GLE1: variants seen among roughly 807,000 people sequenced by gnomAD.
GLE1 encodes mRNA export factor GLE1.
GLE1 carries 78 observed loss-of-function variants against 97.3 expected under a neutral mutation model. That is an observed-to-expected ratio of 0.80 (90% CI 0.67 to 0.97). The LOEUF is 0.97. Ranked by LOEUF, GLE1 falls within the 50% of genes least tolerant of loss-of-function variation. The pLI, the probability that GLE1 is intolerant of heterozygous loss-of-function variation, is 0.00. For missense variants in GLE1, 753 were observed against 857.5 expected (o/e 0.88, Z 1.52); for synonymous variants, 302 against 313.4 (o/e 0.96, Z 0.39).
intron 7 of GLE1, among the ~76,000 whole-genome samples, chr9:128,526,458 G>A (rs1230084239): frequency 2.0e-5 from 3 of 151,412 alleles, no homozygotes; most frequent in African/African-American, 7.3e-5. Context: ...CCAGGTTCAA[G>A]CGATTCTCCT....
At chr9:128,523,369 GT>G in intron 5 of GLE1, 29 bp downstream of exon 5, 1 of 1,589,898 alleles carries the variant, frequency 6.3e-7, no homozygotes, top group Non-Finnish European at 8.6e-7. Context: ...TGGTGTGGGT[GT>G]TTTGGTGTCT....
chr9:128,519,273 A>G (rs1847071427), intron 3 of GLE1, among the ~76,000 whole-genome samples: 1 of 152,242 alleles, frequency 6.6e-6, no homozygotes, highest in Non-Finnish European at 1.5e-5. Flanking sequence ...TTAGGAAACA[A>G]GAGAGATAAC....
chr9:128,513,787 C>T (rs566061459), intron 2 of GLE1, among the ~76,000 whole-genome samples: 113 of 151,104 alleles, frequency 7.5e-4, no homozygotes, highest in African/African-American at 2.3e-3. Flanking sequence ...AAGGCCAAGG[C>T]GGGTGGATCA....
intron 2 of GLE1, 37 bp downstream of exon 2, chr9:128,509,134 G>A (rs1232808149): frequency 8.2e-7 from 1 of 1,217,910 alleles, no homozygotes; most frequent in African/African-American, 1.5e-5. Flanking sequence ...AAGACATGGT[G>A]GCTGCAAAGT....
At position 128,520,692 on chromosome 9, in the gene GLE1, C is replaced by T. The variant is rs375042300; in HGVS notation, c.433-1976C>T. ...GGCATCGTCTGCTTCTCACACACAT[C>T]GTGTGTGTGTGTGTGTATCCTTGGG... On this transcript the variant is annotated intron_variant, in intron 3 of 15. Coordinates refer to ENST00000309971, the MANE Select transcript of GLE1 (RefSeq NM_001003722.2). Among the ~76,000 whole-genome samples, 31 of 149,636 alleles carry T rather than the reference C, an allele frequency of 2.1e-4. No homozygotes were observed. The South Asian group carries it at 6.1e-3, about 30-fold the overall frequency.
intron 2 of GLE1, among the ~76,000 whole-genome samples, chr9:128,513,263 A>G (rs1226643935): frequency 1.3e-5 from 2 of 151,954 alleles, no homozygotes; most frequent in Non-Finnish European, 1.5e-5. Flanking sequence ...GACTCAATCT[A>G]GTGTCCCAAA....
rs962137630 is a variant in GLE1, at chr9:128,508,802, C to T, written c.100-74C>T. ...ATTTATTTAGGCCTTCTTAGATGTT[C>T]AGTAAGGCATGTAGTGGATTATACT... On this transcript the variant is annotated intron_variant, in intron 1 of 15. Transcript: ENST00000309971. 1.4e-5 allele frequency: 12 copies of T among 863,966 alleles called. No homozygotes were observed. In the African/African-American group the frequency reaches 2.0e-4, roughly 14 times the overall value. 53.5% of individuals were successfully genotyped at this position (863,966 alleles called of 1,614,324 possible).
At chr9:128,535,050 A>AT (rs1194614980) in intron 11 of GLE1, among the ~76,000 whole-genome samples, 1 of 152,032 alleles carries the variant, frequency 6.6e-6, no homozygotes, top group Non-Finnish European at 1.5e-5. Context: ...GCTGAGTGTA[A>AT]TAATATATTG....
At chr9:128,527,584 C>T in intron 9 of GLE1, 59 bp downstream of exon 9, 1 of 980,716 alleles carries the variant, frequency 1.0e-6, no homozygotes, top group Non-Finnish European at 1.7e-6. Flanking sequence ...TTTCAGACTC[C>T]AAATCTATGT....
At position 128,541,166 on chromosome 9, in the gene GLE1, C is replaced by G. The variant is rs1017545536; in HGVS notation, c.2093C>G (p.Ser698Cys). 2 of 1,539,090 alleles carry G rather than the reference C, an allele frequency of 1.3e-6. No individual in the cohort carries two copies. Among genetic ancestry groups the G allele is most frequent in the South Asian group, 1.1e-5 (1 of 89,500 alleles). ...TTTCTGACTTCCTCCTTCTGGCGCT[C>G]CTGATGTCACTCCATCACCCACCAT... ...KGFLTSSFWR[S>C] The change falls in exon 16 of 16, where the codon TCC (serine) becomes TGC (cysteine). Residue 698 changes from serine (S) to cysteine (C), a missense_variant. Transcript: ENST00000309971.
intron 3 of GLE1, among the ~76,000 whole-genome samples, chr9:128,515,952 CTTT>C (rs58485540): frequency 2.1e-5 from 3 of 139,874 alleles, no homozygotes; most frequent in Non-Finnish European, 3.1e-5. Flanking sequence ...ACCTTAGCCT[CTTT>C]TTTTTTTTTT....
chr9:128,537,686 T>G (rs1031571941), intron 12 of GLE1, among the ~76,000 whole-genome samples: 1 of 152,070 alleles, frequency 6.6e-6, no homozygotes, highest in East Asian at 1.9e-4. Flanking sequence ...TGTGCATGCC[T>G]GTAGTCCCAG....
intron 2 of GLE1, among the ~76,000 whole-genome samples, chr9:128,509,527 T>C (rs1002744230): frequency 3.9e-5 from 6 of 151,900 alleles, no homozygotes; most frequent in South Asian, 2.1e-4. Context: ...GTTTTTTTGT[T>C]ATTTCTCCCA....
intron 6 of GLE1, among the ~76,000 whole-genome samples, 196 bp from the exon 7 acceptor site, chr9:128,524,996 A>T (rs1847261579): frequency 6.6e-6 from 1 of 152,196 alleles, no homozygotes; most frequent in Admixed American, 6.6e-5. Flanking sequence ...AGACCAATTT[A>T]TACTTAGAAA....
chr9:128,508,950 C>T lies in GLE1; in HGVS notation c.174C>T (p.Pro58=). 2 of 1,610,764 alleles carry T rather than the reference C, an allele frequency of 1.2e-6. No homozygotes were observed. Among genetic ancestry groups the T allele is most frequent in the Non-Finnish European group, 1.7e-6 (2 of 1,176,972 alleles). ...YSGWVVEHVL[P]HMQENQPLSE... ...GATGGGTGGTAGAGCACGTCCTACC[C>T]CATATGCAGGAGAACCAACCTCTGT... Residue 58 remains proline, a synonymous_variant, in exon 2 of 16, where the codon CCC becomes CCT. Transcript: ENST00000309971.
At chr9:128,522,405 C>T (rs1023015901) in intron 3 of GLE1, among the ~76,000 whole-genome samples, 2 of 152,086 alleles carry the variant, frequency 1.3e-5, no homozygotes, top group Non-Finnish European at 2.9e-5. Context: ...GCCTGTAATC[C>T]GAGCACTTAG....
chr9:128,518,473 A>C (rs1026331401), intron 3 of GLE1, among the ~76,000 whole-genome samples: 1 of 152,072 alleles, frequency 6.6e-6, no homozygotes, highest in Non-Finnish European at 1.5e-5. Flanking sequence ...AGGCTGGACA[A>C]TCACTCGAAC....
intron 7 of GLE1, among the ~76,000 whole-genome samples, chr9:128,526,310 G>A (rs1379330897): frequency 1.3e-5 from 2 of 151,766 alleles, no homozygotes; most frequent in South Asian, 4.2e-4. Flanking sequence ...GTGAGCCACC[G>A]CACCCAGCCT....
Position 128,541,592 on chromosome 9 carries a change from C to T in GLE1, c.*422C>T, listed in dbSNP as rs1367094292. 1 of 195,460 alleles carries T rather than the reference C, an allele frequency of 5.1e-6. No homozygotes were observed. The highest frequency in any genetic ancestry group is 2.3e-5 in the African/African-American group (1 of 42,588). The allele number at this position is 195,460 out of a possible 1,614,324, so 12.1% of individuals were successfully genotyped here. On this transcript the variant is annotated 3_prime_UTR_variant, in exon 16 of 16. Transcript: ENST00000309971. Reference sequence around the variant, plus strand: ...GATGAATTTCCAGAAAGAGCTAAGGCTCATAAGGTTCCCTTTTAAGTATTA... The same window carrying T: ...GATGAATTTCCAGAAAGAGCTAAGGTTCATAAGGTTCCCTTTTAAGTATTA...
Sources: gnomAD v4.1 joint callset for allele counts (sites outside exome capture counted in the v4.1 genomes callset) on GRCh38, gnomAD v4.1.1 for gene constraint, MANE v1.5 for transcripts, NCBI Gene and HGNC (gene_info 2026-07-23, HGNC 2026-07-21) for gene names.